Variants in ATM observed in about 807,000 individuals in gnomAD.
ATM encodes the protein ATM serine/threonine kinase.
ATM carries 308 observed loss-of-function variants against 387.0 expected under a neutral mutation model. The observed-to-expected ratio is 0.80, with a 90% CI of 0.73 to 0.87. The LOEUF is 0.87. ATM is among the 40% of genes least tolerant of loss of function. The probability of loss-of-function intolerance (pLI) is 0.00; values close to 1 mark genes in which losing one functional copy is unlikely to be tolerated. For missense variants in ATM, 3,312 were observed against 3,560.9 expected (o/e 0.93, Z 1.78); for synonymous variants, 1,156 against 1,187.3 (o/e 0.97, Z 0.54).
chr11:108,245,673 C>T (rs966242011), intron 7 of ATM, among the ~76,000 whole-genome samples: 3 of 152,032 alleles, frequency 2.0e-5, no homozygotes, highest in African/African-American at 7.3e-5. Context: ...TTGGCTGGAA[C>T]TGGAGTTTCC....
intron 36 of ATM, 42 bp downstream of exon 36, chr11:108,303,071 C>A (rs777907970): frequency 1.9e-6 from 3 of 1,550,942 alleles, no homozygotes; most frequent in Admixed American, 1.7e-5. Context: ...TTGTTTATGA[C>A]CTGTTTATCT....
rs1591693006 is a variant in ATM at position 108,297,366 on chromosome 11, T to C, written c.4989T>C (p.Gly1663=). The C allele has an allele frequency of 6.2e-7, 1 of 1,613,802 alleles. No homozygotes were observed. Among genetic ancestry groups the C allele is most frequent in the Admixed American group, 1.7e-5 (1 of 60,006 alleles). The change falls in exon 33 of 63, where the codon GGT becomes GGC. Residue 1663 remains glycine, a synonymous_variant. Coordinates refer to ENST00000675843, the MANE Select transcript of ATM (RefSeq NM_000051.4). ...QLSKMAINHT[G]EKEVLEAVGS... Reference sequence around the variant, plus strand: ...CCAAGATGGCAATAAACCACACTGGTGAAAAAGAAGTTCTAGGTAAACTAC... The same window carrying C: ...CCAAGATGGCAATAAACCACACTGGCGAAAAAGAAGTTCTAGGTAAACTAC...
At chr11:108,240,810 T>C (rs993149037) in intron 5 of ATM, among the ~76,000 whole-genome samples, 3 of 152,186 alleles carry the variant, frequency 2.0e-5, no homozygotes, top group African/African-American at 4.8e-5. Flanking sequence ...TAAACTCTTA[T>C]TCTGTACCAA....
Position 108,332,827 on chromosome 11 carries a change from A to T in ATM, c.7854A>T (p.Arg2618Ser), listed in dbSNP as rs1565536250. 1 of 1,613,424 alleles carries T rather than the reference A, an allele frequency of 6.2e-7. No homozygotes were observed. The highest frequency in any genetic ancestry group is 8.5e-7 in the Non-Finnish European group (1 of 1,179,648). Reference protein sequence around the residue: ...TIRSRRPQMVRSVEALCDAYI... With the variant: ...TIRSRRPQMVSSVEALCDAYI... ...GAAGTAGGAGACCTCAGATGGTCAG[A>T]AGTGTTGAGGCACTTTGTGATGCTT... Residue 2618 changes from arginine (R) to serine (S), a missense_variant, in exon 53 of 63, where the codon AGA (arginine) becomes AGT (serine). Physicochemically the swap from Arg to Ser is moderately radical, Grantham distance 110. This residue lies in a region of ATM where 1,405 missense variants were observed against 1,604.4 expected (regional missense o/e 0.88). Transcript: ENST00000675843.
intron 61 of ATM, among the ~76,000 whole-genome samples, chr11:108,361,659 C>A (rs1295568112): frequency 6.6e-6 from 1 of 151,914 alleles, no homozygotes; most frequent in African/African-American, 2.4e-5. Context: ...CTACAACTAT[C>A]TGATCTTTGA....
intron 59 of ATM, among the ~76,000 whole-genome samples, chr11:108,349,285 C>T (rs764221385): frequency 5.3e-5 from 8 of 152,148 alleles, no homozygotes; most frequent in Admixed American, 5.2e-4. Context: ...ATCCTAGAGG[C>T]CTTGGAAGTC....
intron 56 of ATM, among the ~76,000 whole-genome samples, chr11:108,341,443 T>G (rs1026112331): frequency 6.6e-6 from 1 of 152,168 alleles, no homozygotes; most frequent in African/African-American, 2.4e-5. Context: ...GAATGAAACT[T>G]TATGAGGGCA....
At chr11:108,316,689 C>T (rs7116649) in intron 42 of ATM, among the ~76,000 whole-genome samples, 1 of 146,896 alleles carries the variant, frequency 6.8e-6, no homozygotes, top group African/African-American at 2.5e-5. Flanking sequence ...GCGAGCAGAT[C>T]ACGAGGTCAG....
intron 32 of ATM, 35 bp from the exon 33 acceptor site, chr11:108,297,252 C>G (rs1267444908): frequency 1.3e-6 from 2 of 1,528,934 alleles, no homozygotes; most frequent in African/African-American, 2.7e-5. Flanking sequence ...TGTCTTCATG[C>G]TAGTTTAAAC....
intron 32 of ATM, chr11:108,295,615 G>A (rs1193678079): frequency 6.5e-6 from 1 of 153,714 alleles, no homozygotes; most frequent in Non-Finnish European, 1.4e-5. Flanking sequence ...GGGATTAGAG[G>A]TGTGAGCCAC....
In ATM at chr11:108,252,860, A is replaced by G. The variant is rs587780615; in HGVS notation, c.1846A>G (p.Thr616Ala). The change falls in exon 12 of 63, where the codon ACT becomes GCT. Residue 616 changes from threonine (T) to alanine (A), a missense_variant. Transcript: ENST00000675843. ...LVLEKILVSL[T>A]MKNCKAAMNF... ...ACTGGAGAAAATTCTTGTGAGTCTC[A>G]CTATGAAAAACTGTAAAGCTGCAAT... is the stretch of plus-strand genomic sequence containing the variant. 2 of 1,613,092 alleles carry G rather than the reference A, an allele frequency of 1.2e-6. No homozygotes were observed. The highest frequency in any genetic ancestry group is 1.7e-6 in the Non-Finnish European group (2 of 1,179,378).
chr11:108,333,860 TA>T (rs1338732354), intron 53 of ATM, 25 bp from the exon 54 acceptor site: 2 of 1,555,932 alleles, frequency 1.3e-6, no homozygotes, highest in Non-Finnish European at 1.8e-6. Flanking sequence ...AGTTTGTCAC[TA>T]AAATCTCTTC....
At chr11:108,327,903 C>G in intron 48 of ATM, 145 bp downstream of exon 48, 1 of 745,694 alleles carries the variant, frequency 1.3e-6, no homozygotes, top group Non-Finnish European at 2.2e-6. Flanking sequence ...TGTATAGTCT[C>G]TAGGGTGGAG....
rs754738085 is a variant in ATM, at chr11:108,268,494, T to C, written c.2723T>C (p.Val908Ala). 24 of 1,614,126 alleles carry C rather than the reference T, an allele frequency of 1.5e-5. No individual in the cohort carries two copies. The highest frequency in any genetic ancestry group is 2.0e-5 in the Non-Finnish European group (24 of 1,179,994). Residue 908 changes from valine to alanine, a missense_variant, in exon 18 of 63, where the codon GTA becomes GCA. Physicochemically the swap from Val to Ala is moderately conservative, Grantham distance 64. Transcript: ENST00000675843. ...ATGCTCAAGTTCTTGTGTTTGTGTG[T>C]AACTACTGCTCAGACCAATACTGTG... ...LDMLKFLCLC[V>A]TTAQTNTVSF...
chr11:108,256,155 G>T (rs2135390712), intron 13 of ATM, 60 bp from the exon 14 acceptor site: 1 of 1,401,402 alleles, frequency 7.1e-7, no homozygotes, highest in East Asian at 2.7e-5. Flanking sequence ...TCTTACAAAA[G>T]ATAGAGTATA....
intron 9 of ATM, among the ~76,000 whole-genome samples, chr11:108,250,022 C>A (rs2080047283): frequency 6.6e-6 from 1 of 151,930 alleles, no homozygotes; most frequent in Non-Finnish European, 1.5e-5. Flanking sequence ...ATTGGATTAA[C>A]TGAATTAATG....
At chr11:108,265,170 G>C (rs963482697) in intron 16 of ATM, among the ~76,000 whole-genome samples, 1 of 151,642 alleles carries the variant, frequency 6.6e-6, no homozygotes, top group Admixed American at 6.6e-5. Flanking sequence ...AGCCCGCATC[G>C]GCAAGTCAAT....
At position 108,335,040 on chromosome 11, in the gene ATM, A is replaced by C. The variant is rs540266635; in HGVS notation, c.8082A>C (p.Gly2694=). ...QSFKAEFRLA[G]GVNLPKIIDC... is the part of the protein sequence containing the mutation. ...TTAAAGCAGAATTTCGCTTAGCAGG[A>C]GGTGTAAATTTACCAAAAATAATAG... Residue 2694 remains glycine (G), a synonymous_variant, in exon 55 of 63, where the codon GGA becomes GGC. Coordinates refer to ENST00000675843, the MANE Select transcript of ATM (RefSeq NM_000051.4). 5.9e-5 allele frequency: 95 copies of C among 1,614,100 alleles called. No individual in the cohort carries two copies. The South Asian group carries it at 1.0e-3, about 17-fold the overall frequency.
At position 108,303,103 on chromosome 11, in the gene ATM, C is replaced by T. The variant is rs2083513763; in HGVS notation, c.5496+74C>T. 17 of 1,368,054 alleles carry T rather than the reference C, an allele frequency of 1.2e-5. No homozygotes were observed. The South Asian group carries it at 1.6e-4, about 13-fold the overall frequency. 84.7% of individuals were successfully genotyped at this position (1,368,054 alleles called of 1,614,324 possible). A position where few individuals can be genotyped will look rare whatever the true frequency, so the allele number is the denominator to read the frequency against. On this transcript the variant is annotated intron_variant, in intron 36 of 62. Coordinates refer to ENST00000675843, the MANE Select transcript of ATM (RefSeq NM_000051.4). ...ATCTAAAGAGTGCTGTGATACTGCACATCATCTTCACATAATATCACCCCC... is the reference window on the plus strand; with the variant it reads ...ATCTAAAGAGTGCTGTGATACTGCATATCATCTTCACATAATATCACCCCC...
Sources: gnomAD v4.1 joint callset for allele counts (sites outside exome capture counted in the v4.1 genomes callset) on GRCh38, gnomAD v4.1.1 for gene constraint, gnomAD v4.1.1 regional missense constraint, MANE v1.5 for transcripts, NCBI Gene and HGNC (gene_info 2026-07-23, HGNC 2026-07-21) for gene names.